The following ERICH6B variants were observed in gnomAD, a reference collection of about 807,000 sequenced individuals.
ERICH6B encodes glutamate-rich protein 6B.
A neutral mutation model predicts 80.0 loss-of-function variants in ERICH6B; 69 were observed. The observed-to-expected ratio is 0.86, with a 90% CI of 0.71 to 1.05. The LOEUF (loss-of-function observed/expected upper bound fraction) is 1.05. Ranked by LOEUF, ERICH6B falls within the 50% of genes least tolerant of loss-of-function variation. The pLI is 0.00. For missense variants in ERICH6B, 754 were observed against 796.1 expected, an observed-to-expected ratio of 0.95 and a Z score of 0.64; for synonymous variants, 283 against 291.9, an observed-to-expected ratio of 0.97 and a Z score of 0.31.
At chr13:45,542,408 G>T (rs903326264) in intron 14 of ERICH6B, among the ~76,000 whole-genome samples, 1 of 152,196 alleles carries the variant, frequency 6.6e-6, no homozygotes, top group African/African-American at 2.4e-5. Context: ...GCACACTACT[G>T]CCCACGTGGG....
intron 13 of ERICH6B, among the ~76,000 whole-genome samples, chr13:45,549,284 A>C (rs75898882): frequency 0.11 from 15,636 of 148,664 alleles, 1,073 homozygotes; most frequent in African/African-American, 0.18. Flanking sequence ...CTCCGTCACA[A>C]AAAAAAAAAA....
intron 5 of ERICH6B, among the ~76,000 whole-genome samples, chr13:45,582,810 G>A (rs1386483163): frequency 6.6e-6 from 1 of 152,212 alleles, no homozygotes; most frequent in Non-Finnish European, 1.5e-5. Context: ...GAAATGCCTT[G>A]TGGAATTTCG....
At chr13:45,593,000 T>G (rs536039355) in intron 3 of ERICH6B, among the ~76,000 whole-genome samples, 1 of 152,324 alleles carries the variant, frequency 6.6e-6, no homozygotes, top group East Asian at 1.9e-4. Context: ...CTGGGTTTTC[T>G]GACTTGGACA....
intron 2 of ERICH6B, among the ~76,000 whole-genome samples, chr13:45,600,464 G>C (rs1469211231): frequency 6.6e-6 from 1 of 152,110 alleles, no homozygotes; most frequent in African/African-American, 2.4e-5. Flanking sequence ...CACCCAAATA[G>C]CATACATTGT....
At chr13:45,606,952 T>C (rs1411761635) in intron 2 of ERICH6B, among the ~76,000 whole-genome samples, 1 of 152,128 alleles carries the variant, frequency 6.6e-6, no homozygotes, top group African/African-American at 2.4e-5. Flanking sequence ...CTTTCTACCC[T>C]GTGTTTCTGA....
intron 2 of ERICH6B, among the ~76,000 whole-genome samples, chr13:45,598,483 C>A (rs1033695862): frequency 2.0e-5 from 3 of 152,124 alleles, no homozygotes; most frequent in African/African-American, 7.2e-5. Context: ...AGATACATAT[C>A]TTGGCCTGCC....
rs7982434 is a variant in ERICH6B at position 45,574,953 on chromosome 13, C to T, written c.962-23G>A. 0.01 allele frequency: 15,093 copies of T among 1,487,950 alleles called. 1,001 individuals are homozygous for T. In the African/African-American group the frequency reaches 0.16, roughly 16 times the overall value. 92.2% of individuals were successfully genotyped at this position (1,487,950 alleles called of 1,614,324 possible). ...GGACTTTCGATTTTGGAAGGAGCGT[C>T]GAAAGGAAGGGCATGTGGAAAGAAA... On this transcript the variant is annotated intron_variant, in intron 7 of 14. Coordinates refer to ENST00000298738, the MANE Select transcript of ERICH6B (RefSeq NM_182542.3).
intron 5 of ERICH6B, among the ~76,000 whole-genome samples, chr13:45,583,508 C>G (rs186776098): frequency 6.6e-6 from 1 of 152,330 alleles, no homozygotes; most frequent in East Asian, 1.9e-4. Context: ...AGGAAGCACA[C>G]CAGTTTGCAC....
chr13:45,546,884 C>T (rs1376408068), intron 13 of ERICH6B, among the ~76,000 whole-genome samples: 1 of 152,216 alleles, frequency 6.6e-6, no homozygotes, highest in Non-Finnish European at 1.5e-5. Context: ...CCCAAATCCT[C>T]CTCTTGCTTC....
rs569279486 is a variant in ERICH6B, at chr13:45,552,885, T to C, written c.1408-2569A>G. 29 of 195,132 alleles carry C rather than the reference T, an allele frequency of 1.5e-4. No homozygotes were observed. The South Asian group carries it at 2.9e-3, about 20-fold the overall frequency. The allele number at this position is 195,132 out of a possible 1,614,324, so 12.1% of individuals were successfully genotyped here. A position where few individuals can be genotyped will look rare whatever the true frequency, so the allele number is the denominator to read the frequency against. On this transcript the variant is annotated intron_variant, in intron 11 of 14. Coordinates refer to ENST00000298738, the MANE Select transcript of ERICH6B (RefSeq NM_182542.3). ...TTAAAAGTTCATCCATCAGGACTTC[T>C]CTATCATGGTTGGCCATGGAGTCCT...
At chr13:45,559,177 T>C (rs910516887) in intron 11 of ERICH6B, among the ~76,000 whole-genome samples, 5 of 152,330 alleles carry the variant, frequency 3.3e-5, no homozygotes, top group Middle Eastern at 3.4e-3. Flanking sequence ...CTAGGTCTTC[T>C]AGTTTATGCA....
chr13:45,592,789 T>C (rs1876208934), intron 3 of ERICH6B, among the ~76,000 whole-genome samples: 1 of 152,242 alleles, frequency 6.6e-6, no homozygotes, highest in Admixed American at 6.5e-5. Context: ...TGGAGGCTCC[T>C]CTACTGCCTT....
At chr13:45,550,642 G>A (rs989575117) in intron 11 of ERICH6B, among the ~76,000 whole-genome samples, 1 of 152,220 alleles carries the variant, frequency 6.6e-6, no homozygotes, top group South Asian at 2.1e-4. Flanking sequence ...TATTGTGGAG[G>A]CTGGAAGTCT....
chr13:45,545,842 A>C (rs916064549), intron 13 of ERICH6B, among the ~76,000 whole-genome samples: 1 of 152,200 alleles, frequency 6.6e-6, no homozygotes, highest in East Asian at 1.9e-4. Context: ...AGCAATGTGC[A>C]CACTGGGCAT....
At chr13:45,562,138 C>G (rs887355366) in intron 10 of ERICH6B, among the ~76,000 whole-genome samples, 3 of 152,214 alleles carry the variant, frequency 2.0e-5, no homozygotes, top group Non-Finnish European at 4.4e-5. Context: ...CCCTGGCTCA[C>G]TGCAACCTCT....
In ERICH6B at chr13:45,596,802, CA is replaced by C. The variant is rs774495675; in HGVS notation, c.203del (p.Leu68ArgfsTer13). The C allele has an allele frequency of 5.2e-6, 8 of 1,551,718 alleles. No homozygotes were observed. The South Asian group carries it at 9.5e-5, about 18-fold the overall frequency. On this transcript the variant is annotated frameshift_variant, in exon 3 of 15. Transcript: ENST00000298738. LOFTEE classifies it high-confidence loss of function. Reference sequence around the variant, plus strand: ...CTTTCCCCAGATACTCTTCCTCTTCCAGATCCTCTTCCTCCTCCAGATACTC... The same window carrying C: ...CTTTCCCCAGATACTCTTCCTCTTCCGATCCTCTTCCTCCTCCAGATACTC... ...DKEYLEEEED[L>X]EEEEYLGKEE...
chr13:45,599,475 T>A (rs1336682883), intron 2 of ERICH6B, among the ~76,000 whole-genome samples: 1 of 152,140 alleles, frequency 6.6e-6, no homozygotes, highest in Non-Finnish European at 1.5e-5. Context: ...AGAGCTCCCA[T>A]CAGGCAGTAG....
At position 45,587,170 on chromosome 13, in the gene ERICH6B, G is replaced by C. The variant is rs1478062541; in HGVS notation, c.749C>G (p.Thr250Ser). 12 of 1,551,702 alleles carry C rather than the reference G, an allele frequency of 7.7e-6. No homozygotes were observed. The Middle Eastern group carries it at 6.7e-4, about 86-fold the overall frequency. Residue 250 changes from threonine to serine, a missense_variant, in exon 5 of 15, where the codon ACC (threonine) becomes AGC (serine). Thr to Ser is a moderately conservative substitution (Grantham distance 58, BLOSUM62 1). Transcript: ENST00000298738. Reference sequence around the variant, plus strand: ...GGCAGATTCAGAGACAGGAGAAGGGGTAGCGAAAGTCAACGGGACAGTCAA... The same window carrying C: ...GGCAGATTCAGAGACAGGAGAAGGGCTAGCGAAAGTCAACGGGACAGTCAA... ...TFLTVPLTFA[T>S]PSPVSESATE...
chr13:45,603,816 T>C (rs1187347374), intron 2 of ERICH6B, among the ~76,000 whole-genome samples: 1 of 152,188 alleles, frequency 6.6e-6, no homozygotes, highest in African/African-American at 2.4e-5. Flanking sequence ...CCTTATTCAT[T>C]TGTGGTGTGT....
Sources: allele counts gnomAD v4.1 joint callset (sites outside exome capture counted in the v4.1 genomes callset), GRCh38; gene constraint gnomAD v4.1.1; transcripts MANE v1.5; gene names NCBI Gene and HGNC (gene_info 2026-07-23, HGNC 2026-07-21).